Variants in SUN2 observed in about 807,000 individuals in gnomAD.
The protein encoded by SUN2 is Sad1 and UNC84 domain containing 2, also known as SUN domain-containing protein 2.
SUN2 carries 60 observed loss-of-function variants against 100.0 expected under a neutral mutation model. That is an observed-to-expected ratio of 0.60 (90% CI 0.49 to 0.74). The LOEUF (loss-of-function observed/expected upper bound fraction) is 0.74, where lower values mean the gene tolerates loss of function less well. Among genes scored for constraint, SUN2 ranks in the 30% least tolerant of loss-of-function variants. SUN2 has a pLI of 0.00. For synonymous variants in SUN2, 367 were observed against 403.3 expected, an observed-to-expected ratio of 0.91 and a Z score of 1.08; for missense variants, 834 against 954.6, an observed-to-expected ratio of 0.87 and a Z score of 1.66.
Position 38,739,544 on chromosome 22 carries a change from T to A in SUN2, c.1579-118A>T. 7.4e-7 allele frequency: 1 copy of A among 1,354,344 alleles called. No individual in the cohort carries two copies. The highest frequency in any genetic ancestry group is 1.0e-6 in the Non-Finnish European group (1 of 967,728). The allele number at this position is 1,354,344 out of a possible 1,614,324, so 83.9% of individuals were successfully genotyped here. ...CCCTTCTAGGCTTGCACTGTGCTGG[T>A]GCCCAGGCAGATGTGGGCACACTGC... is the stretch of plus-strand genomic sequence containing the variant. On this transcript the variant is annotated intron_variant, in intron 13 of 17. Transcript: ENST00000689035. This position sits in a 1 kb window ranked among gnomAD's most constrained non-coding sequence, Gnocchi z 6.7.
In SUN2 at chr22:38,740,552, T is replaced by C. The variant is rs1030834383; in HGVS notation, c.1191-120A>G. The stretch of plus-strand genomic sequence containing the variant: ...CAGGAGAGCGGGTGCCCAGCACTCA[T>C]TGTGAACCTGAGAAGGGGCAAGGCC... On this transcript the variant is annotated intron_variant, in intron 11 of 17. Coordinates refer to ENST00000689035, the MANE Select transcript of SUN2 (RefSeq NM_015374.3). This position sits in a 1 kb window ranked among gnomAD's most constrained non-coding sequence, Gnocchi z 4.8. The C allele has an allele frequency of 2.6e-5, 30 of 1,146,554 alleles. No homozygotes were observed. Among genetic ancestry groups the C allele is most frequent in the Non-Finnish European group, 3.4e-5 (29 of 846,498 alleles). The allele number at this position is 1,146,554 out of a possible 1,614,324, so 71.0% of individuals were successfully genotyped here. A position where few individuals can be genotyped will look rare whatever the true frequency, so the allele number is the denominator to read the frequency against.
At chr22:38,751,473 T>C in intron 2 of SUN2, 100 bp from the exon 3 acceptor site, 1 of 1,368,840 alleles carries the variant, frequency 7.3e-7, no homozygotes, top group South Asian at 1.3e-5. Flanking sequence ...TAGTGCAGGG[T>C]GTGGGTTCCC....
chr22:38,751,145 C>A, intron 3 of SUN2, 65 bp downstream of exon 3: 2 of 1,606,034 alleles, frequency 1.2e-6, no homozygotes, highest in Non-Finnish European at 1.7e-6. Flanking sequence ...GCAGGGGACA[C>A]TGTGAGGAGT....
chr22:38,752,689 T>G (rs1349146361), intron 1 of SUN2, 24 bp from the exon 2 acceptor site: 1 of 1,592,142 alleles, frequency 6.3e-7, no homozygotes. Context: ...GGAGGAGGAC[T>G]GGATGTGAGG....
In SUN2 at chr22:38,752,242, C is replaced by T. The variant is rs372752901; in HGVS notation, c.122+265G>A. Among the ~76,000 whole-genome samples, 43 of 152,298 alleles carry T rather than the reference C, an allele frequency of 2.8e-4. No individual in the cohort carries two copies. In the South Asian group the frequency reaches 8.1e-3, roughly 29 times the overall value. ...AAGAGCTGGCATTACAGGCGTGAGC[C>T]ACCGCGCCCGACCTACCACTTCCTG... On this transcript the variant is annotated intron_variant, in intron 2 of 17. Coordinates refer to ENST00000689035, the MANE Select transcript of SUN2 (RefSeq NM_015374.3).
At chr22:38,752,429 C>A in intron 2 of SUN2, 78 bp downstream of exon 2, 1 of 1,522,150 alleles carries the variant, frequency 6.6e-7, no homozygotes, top group South Asian at 1.3e-5. Context: ...AGGGGGATGG[C>A]TGGACCACAG....
At chr22:38,746,180 G>T (rs986779949) in intron 7 of SUN2, among the ~76,000 whole-genome samples, 1 of 152,214 alleles carries the variant, frequency 6.6e-6, no homozygotes, top group African/African-American at 2.4e-5. Flanking sequence ...GTACAACCAG[G>T]TCTGGCCCTG....
In SUN2 at chr22:38,739,128, C is replaced by A; in HGVS notation, c.1664-140G>T. The A allele has an allele frequency of 1.0e-6, 1 of 967,286 alleles. No individual in the cohort carries two copies. The highest frequency in any genetic ancestry group is 1.6e-6 in the Non-Finnish European group (1 of 629,302). The allele number at this position is 967,286 out of a possible 1,614,324, so 59.9% of individuals were successfully genotyped here. A position where few individuals can be genotyped will look rare whatever the true frequency, so the allele number is the denominator to read the frequency against. On this transcript the variant is annotated intron_variant, in intron 14 of 17. Transcript: ENST00000689035. This position sits in a 1 kb window ranked among gnomAD's most constrained non-coding sequence, Gnocchi z 6.7. ...ACCCTAACCGAGATGCTCAGAGCAG[C>A]TTTAAAGGTCAGCCTCTCCCTGGCC...
At position 38,748,528 on chromosome 22, in the gene SUN2, G is replaced by A. The variant is rs1386847080; in HGVS notation, c.685+185C>T. 3.3e-5 allele frequency among the ~76,000 whole-genome samples: 5 copies of A among 152,128 alleles called. No homozygotes were observed. In the East Asian group the frequency reaches 5.8e-4, roughly 18 times the overall value. ...ACTAGGGTGTGCTCCTGCCCAGGGC[G>A]GCACAAAAGAGGCTCAGGAGAGGTG... is the stretch of plus-strand genomic sequence containing the variant. On this transcript the variant is annotated intron_variant, in intron 7 of 17. Transcript: ENST00000689035.
chr22:38,746,382 CT>C (rs1432713337), intron 7 of SUN2, among the ~76,000 whole-genome samples: 1 of 152,186 alleles, frequency 6.6e-6, no homozygotes, highest in Non-Finnish European at 1.5e-5. Context: ...CATGTTCATT[CT>C]GTTTTCAGGG....
chr22:38,748,828 G>A lies in SUN2; in HGVS notation c.615-45C>T, dbSNP rs781300699. The stretch of plus-strand genomic sequence containing the variant: ...AGGACGGGGGAGGCGGAGGTGTGAG[G>A]GGAGCTCCAGGCCTCCACGTTCCAC... On this transcript the variant is annotated intron_variant, in intron 6 of 17. Transcript: ENST00000689035. 1.8e-5 allele frequency: 29 copies of A among 1,592,006 alleles called. 1 individual carries two copies. The South Asian group carries it at 3.1e-4, about 17-fold the overall frequency.
chr22:38,738,323 C>G lies in SUN2; in HGVS notation c.1948-58G>C. The G allele has an allele frequency of 3.5e-6, 5 of 1,440,194 alleles. No individual in the cohort carries two copies. The highest frequency in any genetic ancestry group is 4.8e-6 in the Non-Finnish European group (5 of 1,033,846). 89.2% of individuals were successfully genotyped at this position (1,440,194 alleles called of 1,614,324 possible). On this transcript the variant is annotated intron_variant, in intron 16 of 17. Transcript: ENST00000689035. This position sits in a 1 kb window ranked among gnomAD's most constrained non-coding sequence, Gnocchi z 6.6. ...CTGGAGCAGGGAGAACACCCCTCCC[C>G]ACTCCAATCCCTGCTCCTCCCACCC...
chr22:38,739,127 G>A lies in SUN2; in HGVS notation c.1664-139C>T, dbSNP rs1251270055. 1.0e-6 allele frequency: 1 copy of A among 970,446 alleles called. No homozygotes were observed. Among genetic ancestry groups the A allele is most frequent in the East Asian group, 2.6e-5 (1 of 38,138 alleles). The allele number at this position is 970,446 out of a possible 1,614,324, so 60.1% of individuals were successfully genotyped here. On this transcript the variant is annotated intron_variant, in intron 14 of 17. Coordinates refer to ENST00000689035, the MANE Select transcript of SUN2 (RefSeq NM_015374.3). This position sits in a 1 kb window ranked among gnomAD's most constrained non-coding sequence, Gnocchi z 6.7. ...AACCCTAACCGAGATGCTCAGAGCA[G>A]CTTTAAAGGTCAGCCTCTCCCTGGC...
At position 38,739,816 on chromosome 22, in the gene SUN2, T is replaced by C. The variant is rs2092838756; in HGVS notation, c.1484A>G (p.His495Arg). 1.2e-5 allele frequency: 19 copies of C among 1,613,612 alleles called. No homozygotes were observed. The highest frequency in any genetic ancestry group is 1.5e-5 in the Non-Finnish European group (18 of 1,180,024). ...LRELESKILT[H>R]VAEMQGKSAR... ...CGACTTGCCCTGCATCTCTGCCACATGGGTGAGGATCTTGCTCTCCAGCTC... is the reference window on the plus strand; with the variant it reads ...CGACTTGCCCTGCATCTCTGCCACACGGGTGAGGATCTTGCTCTCCAGCTC... Residue 495 changes from histidine (H) to arginine (R), a missense_variant, in exon 13 of 18, where the codon CAT (histidine) becomes CGT (arginine). His to Arg is a conservative substitution (Grantham distance 29). This residue lies in a region of SUN2 where 195 missense variants were observed against 280.2 expected (regional missense o/e 0.70). Coordinates refer to ENST00000689035, the MANE Select transcript of SUN2 (RefSeq NM_015374.3). This position sits in a 1 kb window ranked among gnomAD's most constrained non-coding sequence, Gnocchi z 6.7.
intron 17 of SUN2, 80 bp from the exon 18 acceptor site, chr22:38,736,460 C>T: frequency 8.1e-7 from 1 of 1,232,736 alleles, no homozygotes; most frequent in Non-Finnish European, 1.1e-6. Context: ...GGGGAGACAG[C>T]CTCGCCTAGG....
At chr22:38,743,640 C>G (rs1256874847) in intron 8 of SUN2, 1 of 151,772 alleles carries the variant, frequency 6.6e-6, no homozygotes, top group East Asian at 1.9e-4. Flanking sequence ...ATCCTCTGCC[C>G]CATCACCCCA....
Position 38,755,978 on chromosome 22 carries a change from G to A in SUN2, c.-253C>T. The A allele has an allele frequency of 1.0e-6, 1 of 983,900 alleles. No individual in the cohort carries two copies. The highest frequency in any genetic ancestry group is 1.2e-6 in the Non-Finnish European group (1 of 829,342). 60.9% of individuals were successfully genotyped at this position (983,900 alleles called of 1,614,324 possible). A position where few individuals can be genotyped will look rare whatever the true frequency, so the allele number is the denominator to read the frequency against. ...CGGCGGAGGCCCGCGCTGCGCGAGT[G>A]GGGCCGGGCGGCGCGCGTGTGGCCG... On this transcript the variant is annotated 5_prime_UTR_variant, in exon 1 of 18. Coordinates refer to ENST00000689035, the MANE Select transcript of SUN2 (RefSeq NM_015374.3). The surrounding 1 kb of genome is among the most constrained non-coding windows in gnomAD (Gnocchi z 5.7).
Position 38,736,116 on chromosome 22 carries a change from G to C in SUN2, c.*151C>G, listed in dbSNP as rs962887548. 5.3e-6 allele frequency: 4 copies of C among 761,384 alleles called. No homozygotes were observed. The highest frequency in any genetic ancestry group is 9.2e-6 in the Non-Finnish European group (4 of 432,836). The allele number at this position is 761,384 out of a possible 1,614,324, so 47.2% of individuals were successfully genotyped here. A position where few individuals can be genotyped will look rare whatever the true frequency, so the allele number is the denominator to read the frequency against. On this transcript the variant is annotated 3_prime_UTR_variant, in exon 18 of 18. Coordinates refer to ENST00000689035, the MANE Select transcript of SUN2 (RefSeq NM_015374.3). Reference sequence around the variant, plus strand: ...CCGCCTCGAGCCACCTGCTGCTCAGGAGACCCTGCCCGTCCTTTTCATCTG... The same window carrying C: ...CCGCCTCGAGCCACCTGCTGCTCAGCAGACCCTGCCCGTCCTTTTCATCTG...
At position 38,735,426 on chromosome 22, in the gene SUN2, G is replaced by T; in HGVS notation, c.*841C>A. Reference sequence around the variant, plus strand: ...TCTTGCTATAACCCCAGATGCTAATGGCCCCAAAGACAGGTCTAGGTCTCC... The same window carrying T: ...TCTTGCTATAACCCCAGATGCTAATTGCCCCAAAGACAGGTCTAGGTCTCC... On this transcript the variant is annotated 3_prime_UTR_variant, in exon 18 of 18. Coordinates refer to ENST00000689035, the MANE Select transcript of SUN2 (RefSeq NM_015374.3). The T allele has an allele frequency of 2.9e-6, 1 of 340,678 alleles. No homozygotes were observed. Among genetic ancestry groups the T allele is most frequent in the Non-Finnish European group, 5.8e-6 (1 of 173,200 alleles). The allele number at this position is 340,678 out of a possible 1,614,324, so 21.1% of individuals were successfully genotyped here.
Sources: gnomAD v4.1 joint callset for allele counts (sites outside exome capture counted in the v4.1 genomes callset) on GRCh38, gnomAD v4.1.1 for gene constraint, gnomAD v4.1.1 regional missense constraint, Gnocchi (gnomAD v3.1) non-coding constraint, MANE v1.5 for transcripts, NCBI Gene and HGNC (gene_info 2026-07-23, HGNC 2026-07-21) for gene names.